The following KIFC3 variants were observed in gnomAD, a reference collection of about 807,000 sequenced individuals.
KIFC3 encodes kinesin family member C3, also known as kinesin-like protein KIFC3.
A neutral mutation model predicts 101.8 loss-of-function variants in KIFC3; 60 were observed. That is an observed-to-expected ratio of 0.59 (90% CI 0.48 to 0.73). The LOEUF (loss-of-function observed/expected upper bound fraction) is 0.73. Ranked by LOEUF, KIFC3 falls within the 30% of genes least tolerant of loss-of-function variation. The pLI is 0.00. For missense variants in KIFC3, 966 were observed against 1,137.1 expected (o/e 0.85, Z 2.16); for synonymous variants, 476 against 482.7 (o/e 0.99, Z 0.18).
chr16:57,759,067 C>G (rs148205466), intron 19 of KIFC3, 58 bp downstream of exon 19: 28,344 of 1,545,908 alleles, frequency 0.018, 313 homozygotes, highest in Non-Finnish European at 0.021. Context: ...CAGCGCAGCC[C>G]TGCAACCCAC....
intron 9 of KIFC3, among the ~76,000 whole-genome samples, chr16:57,767,821 G>C (rs1555604209): frequency 6.6e-6 from 1 of 151,984 alleles, no homozygotes; most frequent in African/African-American, 2.4e-5. Flanking sequence ...TACAGGTGCA[G>C]GCAACCACAC....
rs2049526194 is a variant in KIFC3, at chr16:57,759,321, T to G, written c.2477-168A>C. 3.9e-6 allele frequency: 3 copies of G among 778,538 alleles called. No homozygotes were observed. In the African/African-American group the frequency reaches 5.2e-5, roughly 14 times the overall value. The allele number at this position is 778,538 out of a possible 1,614,324, so 48.2% of individuals were successfully genotyped here. ...GTCCCGGTCCTGTGGCGGGGCTCACTCCTCACCTAGGAGGTAGGCAAGCCC... is the reference window on the plus strand; with the variant it reads ...GTCCCGGTCCTGTGGCGGGGCTCACGCCTCACCTAGGAGGTAGGCAAGCCC... On this transcript the variant is annotated intron_variant, in intron 18 of 19. Coordinates refer to ENST00000445690, the MANE Select transcript of KIFC3 (RefSeq NM_001130100.2).
At chr16:57,860,996 G>A (rs1010055042) in intron 1 of KIFC3, among the ~76,000 whole-genome samples, 1 of 152,096 alleles carries the variant, frequency 6.6e-6, no homozygotes, top group African/African-American at 2.4e-5. Flanking sequence ...ACAGGCATGA[G>A]CCACCATGCC....
chr16:57,847,276 G>A (rs1171739551), intron 1 of KIFC3, among the ~76,000 whole-genome samples: 5 of 133,732 alleles, frequency 3.7e-5, no homozygotes, highest in African/African-American at 1.4e-4. Context: ...GGAAGGGAAG[G>A]GAGGGAGGGA....
At chr16:57,855,391 T>C (rs2056145879) in intron 1 of KIFC3, among the ~76,000 whole-genome samples, 1 of 151,864 alleles carries the variant, frequency 6.6e-6, no homozygotes, top group Middle Eastern at 3.2e-3. Flanking sequence ...TCTCAAAATG[T>C]TGGAATTACA....
intron 1 of KIFC3, among the ~76,000 whole-genome samples, chr16:57,862,338 C>G (rs1371893978): frequency 6.6e-6 from 1 of 151,792 alleles, no homozygotes; most frequent in African/African-American, 2.4e-5. Flanking sequence ...TTTCATCAAG[C>G]TACTTAGAAC....
At chr16:57,821,902 G>A (rs1398506362) in intron 1 of KIFC3, among the ~76,000 whole-genome samples, 1 of 151,948 alleles carries the variant, frequency 6.6e-6, no homozygotes, top group Admixed American at 6.6e-5. Context: ...GACAGAGTGA[G>A]ACCCGTCTCT....
chr16:57,783,635 G>A (rs1468644456), intron 3 of KIFC3, among the ~76,000 whole-genome samples: 1 of 151,850 alleles, frequency 6.6e-6, no homozygotes, highest in Non-Finnish European at 1.5e-5. Flanking sequence ...ACCACACCCA[G>A]CTAATTTTTG....
At chr16:57,817,621 A>T (rs1555629106) in intron 1 of KIFC3, among the ~76,000 whole-genome samples, 2 of 151,820 alleles carry the variant, frequency 1.3e-5, no homozygotes, top group African/African-American at 4.8e-5. Context: ...CTGTGTCCAA[A>T]TCTCCCTCTT....
At chr16:57,851,202 C>T (rs1258884619) in intron 1 of KIFC3, among the ~76,000 whole-genome samples, 6 of 151,408 alleles carry the variant, frequency 4.0e-5, no homozygotes, top group African/African-American at 1.5e-4. Flanking sequence ...TTTGTAGAGA[C>T]GGGGGTCTCA....
intron 16 of KIFC3, 135 bp downstream of exon 16, chr16:57,760,591 G>T: frequency 9.4e-7 from 1 of 1,066,872 alleles, no homozygotes; most frequent in Non-Finnish European, 1.4e-6. Flanking sequence ...AGGAGGGACT[G>T]GGAGTTACAC....
chr16:57,855,716 CA>C (rs2056151017), intron 1 of KIFC3, among the ~76,000 whole-genome samples: 1 of 151,916 alleles, frequency 6.6e-6, no homozygotes, highest in South Asian at 2.1e-4. Flanking sequence ...GAGACCAAGG[CA>C]GGTGGATCAC....
intron 2 of KIFC3, among the ~76,000 whole-genome samples, chr16:57,796,124 C>T (rs1410192172): frequency 6.6e-6 from 1 of 152,104 alleles, no homozygotes; most frequent in African/African-American, 2.4e-5. Context: ...AACTCCTAAC[C>T]TCAAGTGATC....
intron 1 of KIFC3, chr16:57,815,737 C>A: frequency 9.1e-7 from 1 of 1,098,136 alleles, no homozygotes; most frequent in Non-Finnish European, 1.2e-6. Flanking sequence ...TCCACCCAGC[C>A]ATGGCTTGTC....
intron 3 of KIFC3, among the ~76,000 whole-genome samples, chr16:57,774,493 T>TGC (rs1555610686): frequency 2.0e-5 from 3 of 151,956 alleles, no homozygotes; most frequent in Non-Finnish European, 4.4e-5. Flanking sequence ...TGTGGAATTA[T>TGC]AGTTGACAAA....
At chr16:57,759,343 G>A in intron 18 of KIFC3, 190 bp from the exon 19 acceptor site, 1 of 674,214 alleles carries the variant, frequency 1.5e-6, no homozygotes, top group Non-Finnish European at 2.5e-6. Context: ...AGGTAGGCAA[G>A]CCCGGCCCTT....
chr16:57,819,002 G>T (rs962673166), intron 1 of KIFC3, among the ~76,000 whole-genome samples: 1 of 152,214 alleles, frequency 6.6e-6, no homozygotes, highest in Non-Finnish European at 1.5e-5. Context: ...GAGCCACGGA[G>T]TCTGGGGAGA....
At chr16:57,781,883 C>T (rs1253101614) in intron 3 of KIFC3, 9 of 970,568 alleles carry the variant, frequency 9.3e-6, no homozygotes, top group Non-Finnish European at 1.1e-5. Flanking sequence ...GACCGGAACT[C>T]GCATCTGGCT....
intron 12 of KIFC3, among the ~76,000 whole-genome samples, chr16:57,763,757 C>T (rs2050135054): frequency 6.6e-6 from 1 of 152,190 alleles, no homozygotes; most frequent in African/African-American, 2.4e-5. Flanking sequence ...AGACCCGCCA[C>T]TCATCCCAGA....
Sources: allele counts gnomAD v4.1 joint callset (sites outside exome capture counted in the v4.1 genomes callset), GRCh38; gene constraint gnomAD v4.1.1; transcripts MANE v1.5; gene names NCBI Gene and HGNC (gene_info 2026-07-23, HGNC 2026-07-21).